OXR1: variants seen among roughly 807,000 people sequenced by gnomAD.
OXR1 encodes oxidation resistance 1.
Under a neutral mutation model 104.6 loss-of-function variants are expected in OXR1, and 41 were observed. The ratio of observed to expected loss-of-function variants is 0.39; its 90% CI spans 0.31 to 0.51. The LOEUF (loss-of-function observed/expected upper bound fraction) is 0.51. Ranked by LOEUF, OXR1 falls within the 20% of genes least tolerant of loss-of-function variation. OXR1 has a pLI of 0.77. For synonymous variants in OXR1, 348 were observed against 348.4 expected (o/e 1.00, Z 0.01); for missense variants, 955 against 1,031.9 (o/e 0.93, Z 1.02).
At chr8:106,368,216 T>C (rs1357303586) in intron 2 of OXR1, among the ~76,000 whole-genome samples, 1 of 152,120 alleles carries the variant, frequency 6.6e-6, no homozygotes, top group Non-Finnish European at 1.5e-5. Context: ...TAATTCATAT[T>C]GTATCCTTAA....
intron 6 of OXR1, among the ~76,000 whole-genome samples, chr8:106,686,638 G>C (rs1353606786): frequency 6.6e-6 from 1 of 152,012 alleles, no homozygotes; most frequent in Non-Finnish European, 1.5e-5. Context: ...ATGTCTATTA[G>C]TATTGTTATT....
intron 2 of OXR1, among the ~76,000 whole-genome samples, chr8:106,480,041 CTA>C (rs1233592893): frequency 2.0e-5 from 3 of 151,962 alleles, no homozygotes; most frequent in Admixed American, 1.3e-4. Flanking sequence ...CCTGATTTCT[CTA>C]TGTTTTTAAC....
At chr8:106,721,643 T>C (rs1399638802) in intron 11 of OXR1, among the ~76,000 whole-genome samples, 1 of 152,210 alleles carries the variant, frequency 6.6e-6, no homozygotes, top group East Asian at 1.9e-4. Context: ...TTCTCAATAA[T>C]TGAAGTTTAG....
At chr8:106,381,660 A>G (rs1015559117) in intron 2 of OXR1, among the ~76,000 whole-genome samples, 12 of 152,150 alleles carry the variant, frequency 7.9e-5, no homozygotes, top group Admixed American at 5.2e-4. Flanking sequence ...TCTAATCTTC[A>G]TTAAATTCCC....
At chr8:106,561,146 A>T (rs1208170823) in intron 3 of OXR1, among the ~76,000 whole-genome samples, 2 of 151,904 alleles carry the variant, frequency 1.3e-5, no homozygotes. Flanking sequence ...GGCGCCTAGA[A>T]CACCTCAAGC....
intron 1 of OXR1, among the ~76,000 whole-genome samples, chr8:106,307,212 C>T (rs1461834293): frequency 5.9e-5 from 9 of 152,068 alleles, no homozygotes; most frequent in Non-Finnish European, 1.2e-4. Flanking sequence ...TGAAGGGAGG[C>T]GTGGGCATGC....
chr8:106,586,652 T>C (rs1269009523), intron 3 of OXR1, among the ~76,000 whole-genome samples: 2 of 152,118 alleles, frequency 1.3e-5, no homozygotes, highest in African/African-American at 4.8e-5. Context: ...CATAGATAGA[T>C]GATCTGTGCT....
At chr8:106,521,964 G>A (rs78068154) in intron 3 of OXR1, among the ~76,000 whole-genome samples, 2,182 of 152,218 alleles carry the variant, frequency 0.014, 47 homozygotes, top group East Asian at 0.11. Context: ...TCTCAGTTTA[G>A]AGTTTATACT....
chr8:106,679,872 A>G (rs962775284), intron 4 of OXR1, among the ~76,000 whole-genome samples: 6 of 151,740 alleles, frequency 4.0e-5, no homozygotes, highest in Non-Finnish European at 8.8e-5. Flanking sequence ...GCTTTGGTAT[A>G]TGGTATGCTG....
At chr8:106,313,452 T>G (rs1440315240) in intron 1 of OXR1, among the ~76,000 whole-genome samples, 2 of 152,142 alleles carry the variant, frequency 1.3e-5, no homozygotes, top group Non-Finnish European at 2.9e-5. Flanking sequence ...TTTCCATGGT[T>G]GTTTGATTTT....
chr8:106,463,183 T>C (rs952131800), intron 2 of OXR1, among the ~76,000 whole-genome samples: 7 of 152,080 alleles, frequency 4.6e-5, no homozygotes, highest in Non-Finnish European at 8.8e-5. Flanking sequence ...AGAGGCTGGT[T>C]GTCAGCCTTA....
chr8:106,639,074 A>C (rs999217344), intron 3 of OXR1, among the ~76,000 whole-genome samples: 1 of 152,220 alleles, frequency 6.6e-6, no homozygotes, highest in Non-Finnish European at 1.5e-5. Flanking sequence ...AAGTGGAAAC[A>C]AAAAGTAGAG....
In OXR1 at chr8:106,684,289, G is replaced by A. The variant is rs1400644675; in HGVS notation, c.455G>A (p.Ser152Asn). ...PDPEYVSSVE[S>N]SPSLSPVSPL... The stretch of plus-strand genomic sequence containing the variant: ...CCTGAATATGTCTCCAGTGTTGAGA[G>A]CTCTCCATCTCTAAGCCCCGTAAGT... Residue 152 changes from serine (S) to asparagine (N), a missense_variant, in exon 6 of 17, where the codon AGC (serine) becomes AAC (asparagine). Ser to Asn is a conservative substitution (Grantham distance 46). This residue lies in a region of OXR1 where 849 missense variants were observed against 852.9 expected (regional missense o/e 1.00). Coordinates refer to ENST00000517566, the MANE Select transcript of OXR1 (RefSeq NM_001198533.2). 6.2e-7 allele frequency: 1 copy of A among 1,609,776 alleles called. No homozygotes were observed. The highest frequency in any genetic ancestry group is 8.5e-7 in the Non-Finnish European group (1 of 1,176,216).
At chr8:106,375,567 T>C (rs1816874822) in intron 2 of OXR1, among the ~76,000 whole-genome samples, 1 of 152,176 alleles carries the variant, frequency 6.6e-6, no homozygotes, top group Non-Finnish European at 1.5e-5. Flanking sequence ...ACATGAAACC[T>C]CAGCTTCCCA....
chr8:106,677,247 TA>T (rs1827696105), intron 3 of OXR1, among the ~76,000 whole-genome samples: 1 of 151,980 alleles, frequency 6.6e-6, no homozygotes, highest in African/African-American at 2.4e-5. Flanking sequence ...TATTCAAAAA[TA>T]AATCGAATTT....
intron 2 of OXR1, among the ~76,000 whole-genome samples, chr8:106,499,839 G>A (rs1563563751): frequency 6.6e-6 from 1 of 152,200 alleles, no homozygotes; most frequent in Non-Finnish European, 1.5e-5. Flanking sequence ...AAAAAGACGT[G>A]TTCTCCCCCT....
intron 2 of OXR1, among the ~76,000 whole-genome samples, chr8:106,477,102 C>T (rs914346977): frequency 1.3e-5 from 2 of 151,916 alleles, no homozygotes; most frequent in African/African-American, 4.8e-5. Flanking sequence ...TAAACTTCTC[C>T]TTGTAATGTC....
At chr8:106,394,174 T>C (rs1817687955) in intron 2 of OXR1, among the ~76,000 whole-genome samples, 1 of 152,038 alleles carries the variant, frequency 6.6e-6, no homozygotes. Flanking sequence ...AAACACATTT[T>C]CAGCTATTGA....
Position 106,683,265 on chromosome 8 carries a change from C to A in OXR1, c.370C>A (p.Gln124Lys). The A allele has an allele frequency of 6.2e-7, 1 of 1,601,716 alleles. No individual in the cohort carries two copies. The highest frequency in any genetic ancestry group is 1.1e-5 in the South Asian group (1 of 90,570). The change falls in exon 5 of 17, where the codon CAA (glutamine) becomes AAA (lysine). Residue 124 changes from glutamine (Q) to lysine (K), a missense_variant. By Grantham distance (53) the Gln-to-Lys change is moderately conservative. Coordinates refer to ENST00000517566, the MANE Select transcript of OXR1 (RefSeq NM_001198533.2). ...TGATACAACACCTAACGAACTTGTT[C>A]AATTAAATAAGTTATTCTCCCGAGC... ...KFDTTPNELV[Q>K]LNKLFSRAVV...
Sources: allele counts gnomAD v4.1 joint callset (sites outside exome capture counted in the v4.1 genomes callset), GRCh38; gene constraint gnomAD v4.1.1; regional missense constraint gnomAD v4.1.1; transcripts MANE v1.5; gene names NCBI Gene and HGNC (gene_info 2026-07-23, HGNC 2026-07-21).